The following BBS9 variants were observed in gnomAD, a reference collection of about 807,000 sequenced individuals.
BBS9 encodes the protein protein PTHB1.
Under a neutral mutation model 117.7 loss-of-function variants are expected in BBS9, and 89 were observed. The observed-to-expected ratio is 0.76, with a 90% CI of 0.64 to 0.90. The LOEUF (loss-of-function observed/expected upper bound fraction) is 0.90, where lower values mean the gene tolerates loss of function less well. Ranked by LOEUF, BBS9 falls within the 40% of genes least tolerant of loss-of-function variation. The pLI, the probability that BBS9 is intolerant of heterozygous loss-of-function variation, is 0.00. For missense variants in BBS9, 982 were observed against 1,042.2 expected, an observed-to-expected ratio of 0.94 and a Z score of 0.80; for synonymous variants, 379 against 370.9, an observed-to-expected ratio of 1.02 and a Z score of -0.25.
intron 21 of BBS9, among the ~76,000 whole-genome samples, chr7:33,540,441 G>A (rs2129069606): frequency 6.6e-6 from 1 of 152,288 alleles, no homozygotes; most frequent in South Asian, 2.1e-4. Context: ...TCAAAATTGG[G>A]TCCAGAAGAA....
chr7:33,554,987 G>T (rs1855065142), intron 21 of BBS9, among the ~76,000 whole-genome samples: 3 of 152,206 alleles, frequency 2.0e-5, no homozygotes, highest in African/African-American at 4.8e-5. Flanking sequence ...GGAGCAAGGT[G>T]AGGGCAGGGG....
At chr7:33,401,918 C>A (rs559179297) in intron 19 of BBS9, among the ~76,000 whole-genome samples, 3 of 152,048 alleles carry the variant, frequency 2.0e-5, no homozygotes, top group Non-Finnish European at 4.4e-5. Flanking sequence ...TGATTTCCTT[C>A]CTTATATAAT....
At chr7:33,551,132 T>C (rs919189964) in intron 21 of BBS9, among the ~76,000 whole-genome samples, 1 of 152,194 alleles carries the variant, frequency 6.6e-6, no homozygotes, top group African/African-American at 2.4e-5. Context: ...AAGATATTTT[T>C]AGCATTTGTT....
intron 5 of BBS9, among the ~76,000 whole-genome samples, chr7:33,240,236 G>A (rs1449912205): frequency 6.7e-6 from 1 of 149,336 alleles, no homozygotes; most frequent in Non-Finnish European, 1.5e-5. Context: ...TGCTGTGTAG[G>A]AGGGCTAATC....
At chr7:33,398,483 G>C (rs1828377709) in intron 19 of BBS9, among the ~76,000 whole-genome samples, 1 of 152,152 alleles carries the variant, frequency 6.6e-6, no homozygotes, top group South Asian at 2.1e-4. Flanking sequence ...CCAAACAAGA[G>C]CAATATACAA....
At chr7:33,451,302 GT>G (rs759165164) in intron 19 of BBS9, among the ~76,000 whole-genome samples, 57 of 152,194 alleles carry the variant, frequency 3.7e-4, no homozygotes, top group Non-Finnish European at 6.8e-4. Context: ...TTTCCCCTAT[GT>G]TTTCTTCTAA....
intron 19 of BBS9, among the ~76,000 whole-genome samples, chr7:33,503,785 G>C (rs910954840): frequency 6.7e-6 from 1 of 149,470 alleles, no homozygotes; most frequent in Non-Finnish European, 1.5e-5. Flanking sequence ...ACAGGAGTCC[G>C]TTGTAATCAT....
At chr7:33,456,504 G>A (rs923583426) in intron 19 of BBS9, among the ~76,000 whole-genome samples, 1 of 151,726 alleles carries the variant, frequency 6.6e-6, no homozygotes, top group Non-Finnish European at 1.5e-5. Context: ...ATTTTTAAGT[G>A]GTAATTAGAA....
At chr7:33,495,126 A>C (rs1225105190) in intron 19 of BBS9, among the ~76,000 whole-genome samples, 1 of 152,244 alleles carries the variant, frequency 6.6e-6, no homozygotes, top group East Asian at 1.9e-4. Flanking sequence ...AAAAGCCTCA[A>C]CAATTTCACT....
chr7:33,574,991 A>C (rs182067898), intron 21 of BBS9, among the ~76,000 whole-genome samples: 1 of 152,066 alleles, frequency 6.6e-6, no homozygotes, highest in East Asian at 1.9e-4. Flanking sequence ...TGATCTTTTT[A>C]TTCACAAGTG....
At chr7:33,481,336 G>C (rs148120058) in intron 19 of BBS9, among the ~76,000 whole-genome samples, 492 of 152,138 alleles carry the variant, frequency 3.2e-3, no homozygotes, top group Non-Finnish European at 5.9e-3. Context: ...TGCAAGATTG[G>C]GAAGACATTG....
intron 21 of BBS9, among the ~76,000 whole-genome samples, chr7:33,566,302 A>AT (rs35126807): frequency 1 from 151,936 of 151,936 alleles, 75,968 homozygotes; most frequent in Non-Finnish European, 1. Flanking sequence ...AAAGATATGC[A>AT]TGTAATATAT....
chr7:33,548,111 TTGTTAA>T (rs1255130508), intron 21 of BBS9, among the ~76,000 whole-genome samples: 1 of 152,160 alleles, frequency 6.6e-6, no homozygotes, highest in Non-Finnish European at 1.5e-5. Context: ...GGAAGTAGGG[TTGTTAA>T]TACAGGAATA....
In BBS9 at chr7:33,390,194, G is replaced by C. The variant is rs75884882; in HGVS notation, c.2115+2050G>C. The stretch of plus-strand genomic sequence containing the variant: ...CTGCCTGCCATACTTGAGGCTGAAG[G>C]TATGGTCAACCTTGTATTTAATGAT... On this transcript the variant is annotated intron_variant, in intron 19 of 22. Transcript: ENST00000242067. The C allele has an allele frequency of 8.2e-3, 7,875 of 961,266 alleles. 314 individuals are homozygous for C. The African/African-American group carries it at 0.098, about 12-fold the overall frequency. 59.5% of individuals were successfully genotyped at this position (961,266 alleles called of 1,614,324 possible).
chr7:33,577,327 A>G (rs940613034), intron 21 of BBS9, among the ~76,000 whole-genome samples: 4 of 152,264 alleles, frequency 2.6e-5, no homozygotes, highest in African/African-American at 9.6e-5. Context: ...GTCATCAGAG[A>G]AATGCAAATC....
chr7:33,237,055 T>C (rs545075131), intron 5 of BBS9, among the ~76,000 whole-genome samples: 1 of 152,260 alleles, frequency 6.6e-6, no homozygotes, highest in East Asian at 1.9e-4. Flanking sequence ...TAATTCTTTA[T>C]ATATTAAAAA....
At chr7:33,520,696 T>C (rs1043845549) in intron 20 of BBS9, among the ~76,000 whole-genome samples, 4 of 152,132 alleles carry the variant, frequency 2.6e-5, no homozygotes, top group African/African-American at 9.7e-5. Flanking sequence ...GTGCAAGTCA[T>C]AGTGTGAGAT....
intron 19 of BBS9, among the ~76,000 whole-genome samples, chr7:33,398,647 T>C (rs939098652): frequency 6.6e-6 from 1 of 152,336 alleles, no homozygotes; most frequent in Middle Eastern, 3.4e-3. Context: ...AAGTCACAAA[T>C]GTGAGCCACA....
chr7:33,462,895 T>G (rs1415946265), intron 19 of BBS9, among the ~76,000 whole-genome samples: 1 of 152,106 alleles, frequency 6.6e-6, no homozygotes, highest in African/African-American at 2.4e-5. Flanking sequence ...AATGGATATT[T>G]AAAGTTAGGA....
Sources: allele counts gnomAD v4.1 joint callset (sites outside exome capture counted in the v4.1 genomes callset), GRCh38; gene constraint gnomAD v4.1.1; transcripts MANE v1.5; gene names NCBI Gene and HGNC (gene_info 2026-07-23, HGNC 2026-07-21).